CPA6: variants seen among roughly 807,000 people sequenced by gnomAD.
CPA6 encodes the protein carboxypeptidase A6, also known as carboxypeptidase B.
A neutral mutation model predicts 63.3 loss-of-function variants in CPA6; 58 were observed. The observed-to-expected ratio is 0.92, with a 90% CI of 0.74 to 1.14. The LOEUF is 1.14. Ranked by LOEUF, CPA6 falls within the 50% of genes most tolerant of loss-of-function variation. The probability of loss-of-function intolerance (pLI) is 0.00; values close to 1 mark genes in which losing one functional copy is unlikely to be tolerated. For missense variants in CPA6, 565 were observed against 526.6 expected (o/e 1.07, Z -0.71); for synonymous variants, 185 against 179.0 (o/e 1.03, Z -0.27).
At chr8:67,723,513 G>A (rs1248075682) in intron 1 of CPA6, among the ~76,000 whole-genome samples, 2 of 152,104 alleles carry the variant, frequency 1.3e-5, no homozygotes, top group South Asian at 4.1e-4. Context: ...TTCCGAAGAG[G>A]TTATAACAAT....
At chr8:67,595,775 G>A (rs989254133) in intron 2 of CPA6, among the ~76,000 whole-genome samples, 2 of 152,162 alleles carry the variant, frequency 1.3e-5, no homozygotes, top group African/African-American at 4.8e-5. Flanking sequence ...GATTTTCCAG[G>A]TGCCGTCTGT....
intron 2 of CPA6, among the ~76,000 whole-genome samples, chr8:67,546,648 T>C (rs1812824154): frequency 6.6e-6 from 1 of 152,176 alleles, no homozygotes; most frequent in African/African-American, 2.4e-5. Context: ...CCAGAGTTCT[T>C]GATTCAGTAA....
chr8:67,489,547 T>C (rs1183688172), intron 6 of CPA6, among the ~76,000 whole-genome samples: 2 of 152,194 alleles, frequency 1.3e-5, no homozygotes, highest in African/African-American at 4.8e-5. Context: ...TGTATTACAG[T>C]TAGAGAATGT....
At chr8:67,736,866 A>G (rs183210506) in intron 1 of CPA6, among the ~76,000 whole-genome samples, 37 of 152,322 alleles carry the variant, frequency 2.4e-4, no homozygotes, top group Non-Finnish European at 5.9e-5. Flanking sequence ...CTGAGATTCA[A>G]TTTACGCTAT....
intron 1 of CPA6, among the ~76,000 whole-genome samples, chr8:67,742,756 TAAATG>T (rs933008930): frequency 1.3e-5 from 2 of 152,186 alleles, no homozygotes; most frequent in Admixed American, 1.3e-4. Context: ...ACAGAGCTAC[TAAATG>T]TGGGAGAGCA....
At chr8:67,525,083 A>G (rs560085988) in intron 2 of CPA6, among the ~76,000 whole-genome samples, 2 of 152,246 alleles carry the variant, frequency 1.3e-5, no homozygotes, top group African/African-American at 4.8e-5. Context: ...CAACATTTCA[A>G]ATATTGGTGG....
chr8:67,486,246 C>T (rs548935894), intron 6 of CPA6, among the ~76,000 whole-genome samples: 27 of 152,302 alleles, frequency 1.8e-4, no homozygotes, highest in Admixed American at 9.8e-4. Flanking sequence ...AGGTTGCTAA[C>T]GCAGTCATAC....
intron 6 of CPA6, among the ~76,000 whole-genome samples, chr8:67,503,463 ATTAAAT>A (rs1811868314): frequency 6.9e-6 from 1 of 145,050 alleles, no homozygotes; most frequent in Non-Finnish European, 1.5e-5. Flanking sequence ...TGCCCAGCTA[ATTAAAT>A]TTTTTTTTTT....
intron 1 of CPA6, among the ~76,000 whole-genome samples, chr8:67,677,444 A>G (rs1404046658): frequency 1.3e-5 from 2 of 149,372 alleles, no homozygotes; most frequent in African/African-American, 5.0e-5. Flanking sequence ...ACGGTATAGT[A>G]TACTTACAAC....
At chr8:67,662,529 GTATA>G in intron 1 of CPA6, among the ~76,000 whole-genome samples, 2 of 138,846 alleles carry the variant, frequency 1.4e-5, no homozygotes, top group African/African-American at 2.8e-5. Flanking sequence ...ACACGTATAT[GTATA>G]TATAGAATAC....
At chr8:67,524,160 C>CT (rs1812314809) in intron 2 of CPA6, among the ~76,000 whole-genome samples, 1 of 152,104 alleles carries the variant, frequency 6.6e-6, no homozygotes, top group South Asian at 2.1e-4. Context: ...CGTTTAGGAT[C>CT]TTTTGCTATG....
At chr8:67,559,852 A>AATATATAT (rs71554612) in intron 2 of CPA6, among the ~76,000 whole-genome samples, 59,173 of 147,528 alleles carry the variant, frequency 0.4, 13,942 homozygotes, top group Non-Finnish European at 0.53. Flanking sequence ...AGTTGGACAA[A>AATATATAT]ATATATATAT....
chr8:67,710,689 G>A (rs537729535), intron 1 of CPA6, among the ~76,000 whole-genome samples: 9 of 151,212 alleles, frequency 6.0e-5, no homozygotes, highest in Admixed American at 4.6e-4. Context: ...TCTTGGAGGG[G>A]AATTTAACTT....
chr8:67,468,500 C>T (rs1427609142), intron 8 of CPA6, among the ~76,000 whole-genome samples: 3 of 151,642 alleles, frequency 2.0e-5, no homozygotes, highest in Non-Finnish European at 2.9e-5. Flanking sequence ...GCAGGAGAAT[C>T]GCTTGAACCT....
chr8:67,590,089 T>G (rs1814072143), intron 2 of CPA6, among the ~76,000 whole-genome samples: 1 of 151,732 alleles, frequency 6.6e-6, no homozygotes, highest in Non-Finnish European at 1.5e-5. Context: ...CCTTCCTGTG[T>G]CCATGTGTTC....
At chr8:67,453,598 A>C (rs887572935) in intron 8 of CPA6, among the ~76,000 whole-genome samples, 2 of 152,164 alleles carry the variant, frequency 1.3e-5, no homozygotes, top group Non-Finnish European at 2.9e-5. Context: ...ATGAATGTAG[A>C]TAGAGAAGAG....
intron 2 of CPA6, among the ~76,000 whole-genome samples, chr8:67,532,442 C>T (rs1287511838): frequency 6.6e-6 from 1 of 152,086 alleles, no homozygotes; most frequent in Non-Finnish European, 1.5e-5. Flanking sequence ...ATTTGGGAGG[C>T]TGAGGCAGGC....
intron 1 of CPA6, among the ~76,000 whole-genome samples, chr8:67,686,331 C>T (rs957293084): frequency 2.0e-5 from 3 of 152,168 alleles, no homozygotes; most frequent in Admixed American, 6.5e-5. Flanking sequence ...TTAATTTTTT[C>T]ATCATATATT....
intron 1 of CPA6, among the ~76,000 whole-genome samples, chr8:67,698,037 G>T (rs531992291): frequency 1.3e-5 from 2 of 152,224 alleles, no homozygotes; most frequent in African/African-American, 4.8e-5. Context: ...CAGGAAATGA[G>T]AACCTGGTAG....
Sources: gnomAD v4.1 joint callset for allele counts (sites outside exome capture counted in the v4.1 genomes callset) on GRCh38, gnomAD v4.1.1 for gene constraint, MANE v1.5 for transcripts, NCBI Gene and HGNC (gene_info 2026-07-23, HGNC 2026-07-21) for gene names.